LIN52: variants seen among roughly 807,000 people sequenced by gnomAD.
LIN52 encodes lin-52 DREAM MuvB core complex component, also known as protein lin-52 homolog.
A neutral mutation model predicts 18.5 loss-of-function variants in LIN52; 4 were observed. That is an observed-to-expected ratio of 0.22 (90% CI 0.11 to 0.49). The LOEUF is 0.49. LIN52 is among the 20% of genes least tolerant of loss of function. LIN52 has a pLI of 0.97. For missense variants in LIN52, 102 were observed against 139.5 expected (o/e 0.73, Z 1.35); for synonymous variants, 34 against 45.5 (o/e 0.75, Z 1.02).
intron 5 of LIN52, chr14:74,114,495 T>G: frequency 1.2e-6 from 1 of 846,558 alleles, no homozygotes; most frequent in Non-Finnish European, 1.4e-6. Context: ...GGTAAATGTC[T>G]GGATGGGGAT....
At chr14:74,140,688 G>T (rs957367210) in intron 5 of LIN52, among the ~76,000 whole-genome samples, 9 of 152,182 alleles carry the variant, frequency 5.9e-5, no homozygotes, top group Non-Finnish European at 1.3e-4. Context: ...GCACGTGGCT[G>T]CCCCAGCTGT....
At chr14:74,141,417 C>T (rs1177660939) in intron 5 of LIN52, among the ~76,000 whole-genome samples, 1 of 152,216 alleles carries the variant, frequency 6.6e-6, no homozygotes, top group Non-Finnish European at 1.5e-5. Context: ...CCAAATGCTT[C>T]ATAGGATTTC....
chr14:74,094,258 GTT>G (rs34744239), intron 2 of LIN52, among the ~76,000 whole-genome samples: 3 of 144,270 alleles, frequency 2.1e-5, no homozygotes, highest in Admixed American at 7.0e-5. Flanking sequence ...CTACTTTGTA[GTT>G]TTTTTTTTTT....
intron 5 of LIN52, among the ~76,000 whole-genome samples, chr14:74,169,594 A>G (rs894154274): frequency 6.6e-6 from 1 of 152,180 alleles, no homozygotes; most frequent in Admixed American, 6.6e-5. Context: ...CTCTTAATTT[A>G]TAGCCACAGT....
At chr14:74,144,234 C>T (rs999547026) in intron 5 of LIN52, among the ~76,000 whole-genome samples, 1 of 151,730 alleles carries the variant, frequency 6.6e-6, no homozygotes, top group Non-Finnish European at 1.5e-5. Flanking sequence ...GAGATCCTTC[C>T]GCCTCAGCCT....
intron 5 of LIN52, among the ~76,000 whole-genome samples, chr14:74,117,995 C>T (rs1180897146): frequency 6.6e-6 from 1 of 152,162 alleles, no homozygotes; most frequent in Non-Finnish European, 1.5e-5. Context: ...ATTTGACTGA[C>T]TCTATTGTAG....
chr14:74,188,767 A>G (rs1030602649), intron 5 of LIN52, among the ~76,000 whole-genome samples: 2 of 152,238 alleles, frequency 1.3e-5, no homozygotes, highest in African/African-American at 4.8e-5. Flanking sequence ...TGCAATTAGC[A>G]TCATGTTTAA....
chr14:74,169,975 G>T (rs1833162703), intron 5 of LIN52, among the ~76,000 whole-genome samples: 1 of 152,152 alleles, frequency 6.6e-6, no homozygotes, highest in African/African-American at 2.4e-5. Context: ...CTGGAAGCTG[G>T]GTCTTGAAGA....
chr14:74,147,193 G>T (rs1249652864), intron 5 of LIN52, among the ~76,000 whole-genome samples: 1 of 152,110 alleles, frequency 6.6e-6, no homozygotes, highest in African/African-American at 2.4e-5. Context: ...CTGAGGCGAA[G>T]GTTGCAGTGA....
intron 5 of LIN52, among the ~76,000 whole-genome samples, chr14:74,111,941 C>T (rs112465106): frequency 0.015 from 2,245 of 151,998 alleles, 50 homozygotes; most frequent in African/African-American, 0.051. Flanking sequence ...AGTGCAATGG[C>T]GTGATCTCAG....
intron 5 of LIN52, among the ~76,000 whole-genome samples, chr14:74,106,711 C>T (rs1267638750): frequency 1.3e-5 from 2 of 152,168 alleles, no homozygotes; most frequent in African/African-American, 4.8e-5. Context: ...ATGCTTCAGC[C>T]GTCCAAGTAG....
intron 3 of LIN52, among the ~76,000 whole-genome samples, chr14:74,097,399 T>A (rs1162768897): frequency 6.6e-6 from 1 of 151,458 alleles, no homozygotes; most frequent in Non-Finnish European, 1.5e-5. Context: ...CTGAAGGCTA[T>A]GTGACAAGCT....
At chr14:74,139,728 A>G (rs186850127) in intron 5 of LIN52, among the ~76,000 whole-genome samples, 30 of 152,348 alleles carry the variant, frequency 2.0e-4, no homozygotes. Context: ...TATGTTTACC[A>G]AAACAGATTC....
chr14:74,156,499 C>T (rs1239593203), intron 5 of LIN52, among the ~76,000 whole-genome samples: 3 of 151,988 alleles, frequency 2.0e-5, no homozygotes, highest in African/African-American at 4.8e-5. Flanking sequence ...TTTTTGTTTG[C>T]TTTCATTGTT....
intron 5 of LIN52, among the ~76,000 whole-genome samples, chr14:74,140,625 C>G (rs114095829): frequency 6.6e-6 from 1 of 152,152 alleles, no homozygotes. Context: ...CTGTCCGTCA[C>G]GAAAAGGGAA....
At chr14:74,100,924 C>G (rs1191722975) in intron 4 of LIN52, among the ~76,000 whole-genome samples, 4 of 152,118 alleles carry the variant, frequency 2.6e-5, no homozygotes, top group African/African-American at 9.7e-5. Flanking sequence ...TGTTTTTATG[C>G]TAGTTCTTTT....
intron 5 of LIN52, among the ~76,000 whole-genome samples, chr14:74,119,010 A>G (rs913908929): frequency 6.6e-6 from 1 of 152,144 alleles, no homozygotes; most frequent in Admixed American, 6.6e-5. Context: ...TCCCATTGCT[A>G]TATAGTATTT....
At chr14:74,095,423 C>T (rs1198302928) in intron 2 of LIN52, among the ~76,000 whole-genome samples, 1 of 152,108 alleles carries the variant, frequency 6.6e-6, no homozygotes, top group African/African-American at 2.4e-5. Context: ...GCATGAGCCA[C>T]TGCACCCGGC....
intron 3 of LIN52, 33 bp downstream of exon 3, chr14:74,096,018 C>T: frequency 6.6e-7 from 1 of 1,511,220 alleles, no homozygotes; most frequent in Non-Finnish European, 9.0e-7. Flanking sequence ...TGAGGTCAAT[C>T]CAAAGTTTCG....
Sources: allele counts gnomAD v4.1 joint callset (sites outside exome capture counted in the v4.1 genomes callset), GRCh38; gene constraint gnomAD v4.1.1; transcripts MANE v1.5; gene names NCBI Gene and HGNC (gene_info 2026-07-23, HGNC 2026-07-21).